NNT: variants seen among roughly 807,000 people sequenced by gnomAD.
NNT encodes NAD(P) transhydrogenase, mitochondrial.
A neutral mutation model predicts 104.8 loss-of-function variants in NNT; 50 were observed. That is an observed-to-expected ratio of 0.48 (90% confidence interval 0.38 to 0.60). NNT has a LOEUF of 0.60. Among genes scored for constraint, NNT ranks in the 20% least tolerant of loss-of-function variants. NNT has a pLI of 0.00. For missense variants in NNT, 1,131 were observed against 1,330.7 expected (o/e 0.85, Z 2.33); for synonymous variants, 461 against 490.4 (o/e 0.94, Z 0.79).
At chr5:43,681,069 G>A (rs891249807) in intron 19 of NNT, among the ~76,000 whole-genome samples, 9 of 151,824 alleles carry the variant, frequency 5.9e-5, no homozygotes, top group African/African-American at 2.2e-4. Flanking sequence ...GACCATCCTA[G>A]CTAACATGGT....
At chr5:43,651,632 G>A in intron 12 of NNT, 107 bp from the exon 13 acceptor site, 3 of 1,177,432 alleles carry the variant, frequency 2.5e-6, no homozygotes, top group Non-Finnish European at 3.7e-6. Flanking sequence ...TTGTTCCTAG[G>A]TGATAAAGAT....
intron 4 of NNT, 51 bp from the exon 5 acceptor site, chr5:43,618,981 G>T (rs1477946097): frequency 1.8e-6 from 2 of 1,105,800 alleles, no homozygotes; most frequent in Admixed American, 3.0e-5. Context: ...GTGAGTCTGA[G>T]ATCTCTCCTT....
Position 43,704,854 on chromosome 5 carries a change from A to C in NNT, c.*450A>C. ...TTTTTTTTTTCAACAAATGTGACTA[A>C]TTTGAAACTTTTATGAACTTCTGAG... is the stretch of plus-strand genomic sequence containing the variant. On this transcript the variant is annotated 3_prime_UTR_variant, in exon 22 of 22. Transcript: ENST00000344920. 6.4e-6 allele frequency: 1 copy of C among 155,682 alleles called. No homozygotes were observed. The highest frequency in any genetic ancestry group is 6.3e-5 in the Admixed American group (1 of 15,920). 9.6% of individuals were successfully genotyped at this position (155,682 alleles called of 1,614,324 possible).
At chr5:43,657,400 T>A (rs527869134) in intron 16 of NNT, among the ~76,000 whole-genome samples, 2 of 152,238 alleles carry the variant, frequency 1.3e-5, no homozygotes, top group Non-Finnish European at 2.9e-5. Flanking sequence ...TATGTGACAG[T>A]CTGGCATCTT....
intron 17 of NNT, among the ~76,000 whole-genome samples, chr5:43,668,478 A>C (rs1339388601): frequency 2.0e-5 from 3 of 152,194 alleles, no homozygotes; most frequent in Non-Finnish European, 2.9e-5. Context: ...GAAGGGATCC[A>C]ATTTCAGCTT....
intron 17 of NNT, among the ~76,000 whole-genome samples, chr5:43,669,051 G>A (rs932701815): frequency 2.0e-5 from 3 of 152,166 alleles, no homozygotes; most frequent in African/African-American, 7.2e-5. Context: ...AATTGTGAAT[G>A]GGAGTTCAGT....
chr5:43,609,178 T>C lies in NNT; in HGVS notation c.-18T>C, dbSNP rs368935917. 1.8e-5 allele frequency: 28 copies of C among 1,597,700 alleles called. No individual in the cohort carries two copies. Among genetic ancestry groups the C allele is most frequent in the Non-Finnish European group, 1.7e-5 (20 of 1,171,216 alleles). On this transcript the variant is annotated 5_prime_UTR_variant, in exon 2 of 22. Transcript: ENST00000344920. Reference sequence around the variant, plus strand: ...TCAAGGAAACTGGGGAGTCAGAAAATTGGGAACTCATATCAACATGGCAAA... The same window carrying C: ...TCAAGGAAACTGGGGAGTCAGAAAACTGGGAACTCATATCAACATGGCAAA...
intron 13 of NNT, 97 bp downstream of exon 13, chr5:43,651,981 A>G: frequency 7.7e-7 from 1 of 1,305,228 alleles, no homozygotes; most frequent in Non-Finnish European, 1.1e-6. Flanking sequence ...TATCGAGCAA[A>G]TACAACTCTG....
chr5:43,695,567 T>A (rs1281276472), intron 19 of NNT, among the ~76,000 whole-genome samples: 8 of 152,186 alleles, frequency 5.3e-5, no homozygotes, highest in Non-Finnish European at 1.0e-4. Context: ...AGGATACAGA[T>A]GACTAGGACA....
At chr5:43,644,354 A>G (rs1751390679) in intron 8 of NNT, 29 bp downstream of exon 8, 1 of 1,607,676 alleles carries the variant, frequency 6.2e-7, no homozygotes, top group Non-Finnish European at 8.5e-7. Flanking sequence ...TCTATCTGTG[A>G]TCACTTCTCA....
At position 43,656,759 on chromosome 5, in the gene NNT, C is replaced by G; in HGVS notation, c.2400C>G (p.Ser800Arg). The G allele has an allele frequency of 6.2e-7, 1 of 1,614,166 alleles. No homozygotes were observed. Among genetic ancestry groups the G allele is most frequent in the Non-Finnish European group, 8.5e-7 (1 of 1,180,024 alleles). Reference sequence around the variant, plus strand: ...TAATCCCATTCATGGTGGACCCAAGCTTTACTACTGGCATCACCTGTCTGG... The same window carrying G: ...TAATCCCATTCATGGTGGACCCAAGGTTTACTACTGGCATCACCTGTCTGG... Reference protein sequence around the residue: ...GGIIPFMVDPSFTTGITCLGS... With the variant: ...GGIIPFMVDPRFTTGITCLGS... The change falls in exon 16 of 22, where the codon AGC becomes AGG. Residue 800 changes from serine (S) to arginine (R), a missense_variant. By Grantham distance (110) the Ser-to-Arg change is moderately radical. Transcript: ENST00000344920.
At chr5:43,633,237 A>G (rs972593524) in intron 7 of NNT, among the ~76,000 whole-genome samples, 1 of 152,180 alleles carries the variant, frequency 6.6e-6, no homozygotes, top group Non-Finnish European at 1.5e-5. Flanking sequence ...CCACTCCCCA[A>G]TTACCTGTGG....
chr5:43,636,587 A>G (rs2111764472), intron 7 of NNT, among the ~76,000 whole-genome samples: 1 of 152,352 alleles, frequency 6.6e-6, no homozygotes. Flanking sequence ...ACAAAATAAT[A>G]ACATCAGAAT....
chr5:43,639,313 G>A (rs114397622), intron 7 of NNT, among the ~76,000 whole-genome samples: 200 of 152,178 alleles, frequency 1.3e-3, no homozygotes, highest in African/African-American at 4.7e-3. Flanking sequence ...ATGAATTTAC[G>A]TGAATCACAG....
At chr5:43,637,336 A>G (rs1210084202) in intron 7 of NNT, among the ~76,000 whole-genome samples, 1 of 152,122 alleles carries the variant, frequency 6.6e-6, no homozygotes, top group Non-Finnish European at 1.5e-5. Flanking sequence ...TCACATGCAT[A>G]CATATATGTA....
chr5:43,691,275 A>AT (rs1199668819), intron 19 of NNT, among the ~76,000 whole-genome samples: 8 of 152,062 alleles, frequency 5.3e-5, no homozygotes, highest in African/African-American at 1.9e-4. Flanking sequence ...TAATTTTTGT[A>AT]TTTTTTAAAA....
At position 43,698,877 on chromosome 5, in the gene NNT, C is replaced by CTA. The variant is rs1337961622; in HGVS notation, c.2877-1229_2877-1228dup. 9.5e-4 allele frequency among the ~76,000 whole-genome samples: 139 copies of CTA among 145,678 alleles called. No individual in the cohort carries two copies. The East Asian group carries it at 0.014, about 14-fold the overall frequency. On this transcript the variant is annotated intron_variant, in intron 19 of 21. Coordinates refer to ENST00000344920, the MANE Select transcript of NNT (RefSeq NM_182977.3). Reference sequence around the variant, plus strand: ...GCACACACACACATATATATGTAGACTATATATATATATACACTACATATA... The same window carrying CTA: ...GCACACACACACATATATATGTAGACTATATATATATATATACACTACATATA...
intron 17 of NNT, among the ~76,000 whole-genome samples, chr5:43,673,213 C>A (rs1485812572): frequency 6.6e-6 from 1 of 152,182 alleles, no homozygotes; most frequent in Non-Finnish European, 1.5e-5. Context: ...AAGGGTATTC[C>A]CTGACCCCTT....
intron 17 of NNT, among the ~76,000 whole-genome samples, chr5:43,670,095 G>C (rs1262873996): frequency 6.6e-6 from 1 of 152,062 alleles, no homozygotes; most frequent in African/African-American, 2.4e-5. Flanking sequence ...TTCTCTGATG[G>C]TAGTTTGTAT....
Sources: gnomAD v4.1 joint callset for allele counts (sites outside exome capture counted in the v4.1 genomes callset) on GRCh38, gnomAD v4.1.1 for gene constraint, MANE v1.5 for transcripts, NCBI Gene and HGNC (gene_info 2026-07-23, HGNC 2026-07-21) for gene names.